MAGI3: variants seen among roughly 807,000 people sequenced by gnomAD.
MAGI3 encodes the protein membrane associated guanylate kinase, WW and PDZ domain containing 3, also known as membrane-associated guanylate kinase, WW and PDZ domain-containing protein 3.
A neutral mutation model predicts 121.8 loss-of-function variants in MAGI3; 43 were observed. The ratio of observed to expected loss-of-function variants is 0.35; its 90% CI spans 0.28 to 0.46. The LOEUF (loss-of-function observed/expected upper bound fraction) is 0.46. Ranked by LOEUF, MAGI3 falls within the 20% of genes least tolerant of loss-of-function variation. The probability of loss-of-function intolerance (pLI) is 1.00; values close to 1 mark genes in which losing one functional copy is unlikely to be tolerated. For missense variants in MAGI3, 1,547 were observed against 1,797.3 expected (o/e 0.86, Z 2.52); for synonymous variants, 553 against 639.3 (o/e 0.86, Z 2.04).
intron 1 of MAGI3, among the ~76,000 whole-genome samples, chr1:113,416,871 A>T (rs1652478514): frequency 6.6e-6 from 1 of 152,016 alleles, no homozygotes; most frequent in Non-Finnish European, 1.5e-5. Context: ...ATATTTATTA[A>T]GAAAGTATTT....
At chr1:113,673,754 G>A (rs757485468) in intron 19 of MAGI3, among the ~76,000 whole-genome samples, 23 of 152,198 alleles carry the variant, frequency 1.5e-4, no homozygotes, top group Non-Finnish European at 2.8e-4. Flanking sequence ...GTCAACATCT[G>A]AGGGTAAACG....
chr1:113,522,053 T>G (rs941080257), intron 1 of MAGI3, among the ~76,000 whole-genome samples: 1 of 152,156 alleles, frequency 6.6e-6, no homozygotes, highest in South Asian at 2.1e-4. Context: ...TAACTCTTCT[T>G]CCCCTTTGCT....
chr1:113,611,939 A>ATTTATTTATTTATTTT (rs1553206848), intron 6 of MAGI3, among the ~76,000 whole-genome samples: 3 of 146,686 alleles, frequency 2.0e-5, no homozygotes, highest in Admixed American at 1.4e-4. Flanking sequence ...ATCCCAACTT[A>ATTTATTTATTTATTTT]TTTATTTATT....
chr1:113,649,204 A>G (rs767521612), intron 12 of MAGI3, 33 bp from the exon 13 acceptor site: 4 of 1,514,024 alleles, frequency 2.6e-6, no homozygotes, highest in Non-Finnish European at 2.7e-6. Context: ...TTTAAAATAA[A>G]TCATAGTATT....
intron 1 of MAGI3, among the ~76,000 whole-genome samples, chr1:113,531,723 T>TCA (rs1245743607): frequency 9.8e-5 from 1 of 10,186 alleles, no homozygotes; most frequent in Non-Finnish European, 2.3e-4. Flanking sequence ...GGGGTGGGGG[T>TCA]CGGGTGGGGG....
intron 13 of MAGI3, among the ~76,000 whole-genome samples, chr1:113,650,282 TTTTTG>T (rs1364238617): frequency 2.7e-4 from 41 of 152,090 alleles, no homozygotes; most frequent in Admixed American, 2.4e-3. Flanking sequence ...GGTATTTGTA[TTTTTG>T]TTTTATTGCT....
chr1:113,625,438 G>T (rs1038114211), intron 9 of MAGI3, among the ~76,000 whole-genome samples: 1 of 151,930 alleles, frequency 6.6e-6, no homozygotes, highest in Non-Finnish European at 1.5e-5. Flanking sequence ...TAATTCCTAG[G>T]TATTTAATCT....
chr1:113,589,371 T>G (rs1486797168), intron 4 of MAGI3, among the ~76,000 whole-genome samples: 1 of 152,116 alleles, frequency 6.6e-6, no homozygotes, highest in African/African-American at 2.4e-5. Flanking sequence ...TAAAGTAAAC[T>G]TGTCAATATT....
chr1:113,602,946 GT>G (rs1649496658), intron 6 of MAGI3, among the ~76,000 whole-genome samples: 1 of 151,336 alleles, frequency 6.6e-6, no homozygotes, highest in South Asian at 2.1e-4. Flanking sequence ...AAAAATCAAA[GT>G]GTGTGTATGT....
At position 113,639,219 on chromosome 1, in the gene MAGI3, G is replaced by A. The variant is rs796257517; in HGVS notation, c.1361-2692G>A. 3.1e-4 allele frequency among the ~76,000 whole-genome samples: 47 copies of A among 152,316 alleles called. No homozygotes were observed. In the Middle Eastern group the frequency reaches 0.01, roughly 33 times the overall value. On this transcript the variant is annotated intron_variant, in intron 9 of 20. Transcript: ENST00000307546. Reference sequence around the variant, plus strand: ...GCAATGCCTCGCCCTGCTTCAGCTCGCACACGGTGCGCTGCACCCACTATC... The same window carrying A: ...GCAATGCCTCGCCCTGCTTCAGCTCACACACGGTGCGCTGCACCCACTATC...
intron 1 of MAGI3, among the ~76,000 whole-genome samples, chr1:113,492,948 T>C (rs973209064): frequency 2.0e-5 from 3 of 152,136 alleles, no homozygotes; most frequent in Non-Finnish European, 1.5e-5. Flanking sequence ...AGAATATTGC[T>C]AAAATGGCCA....
chr1:113,417,369 A>G (rs1330683241), intron 1 of MAGI3, among the ~76,000 whole-genome samples: 2 of 152,132 alleles, frequency 1.3e-5, no homozygotes, highest in Non-Finnish European at 2.9e-5. Flanking sequence ...ATTTTGGAGT[A>G]TAGCCACGTC....
intron 16 of MAGI3, among the ~76,000 whole-genome samples, chr1:113,668,518 G>A (rs1647302191): frequency 6.6e-6 from 1 of 150,686 alleles, no homozygotes; most frequent in African/African-American, 2.4e-5. Context: ...CCAGTGATAG[G>A]AAGTTTTACT....
intron 7 of MAGI3, among the ~76,000 whole-genome samples, chr1:113,615,843 T>A (rs1365763163): frequency 6.6e-6 from 1 of 152,228 alleles, no homozygotes; most frequent in Non-Finnish European, 1.5e-5. Flanking sequence ...ATTATTATTT[T>A]TTCCTAAGAC....
intron 1 of MAGI3, among the ~76,000 whole-genome samples, chr1:113,541,994 G>T (rs1297728297): frequency 6.6e-6 from 1 of 152,000 alleles, no homozygotes; most frequent in Admixed American, 6.6e-5. Context: ...TTTTTGCCTT[G>T]CTGGCTCCTA....
intron 1 of MAGI3, among the ~76,000 whole-genome samples, chr1:113,437,794 CTTCT>C (rs1255477614): frequency 6.8e-6 from 1 of 146,050 alleles, no homozygotes; most frequent in Non-Finnish European, 1.5e-5. Flanking sequence ...CTTCTTCCTT[CTTCT>C]TTCTTCTTTT....
In MAGI3 at chr1:113,619,848, T is replaced by C. The variant is rs539487902; in HGVS notation, c.1171+18T>C. The stretch of plus-strand genomic sequence containing the variant: ...AAAACCAGGTAAGCATTCTTTTCAA[T>C]CTTTTCTTCTAAGAATAACTTGTGA... On this transcript the variant is annotated intron_variant, in intron 8 of 20. Coordinates refer to ENST00000307546, the MANE Select transcript of MAGI3 (RefSeq NM_001142782.2). 1 of 1,540,690 alleles carries C rather than the reference T, an allele frequency of 6.5e-7. No homozygotes were observed. The highest frequency in any genetic ancestry group is 1.7e-5 in the Admixed American group (1 of 58,366).
chr1:113,478,419 A>G (rs1472275087), intron 1 of MAGI3, among the ~76,000 whole-genome samples: 1 of 152,146 alleles, frequency 6.6e-6, no homozygotes, highest in Non-Finnish European at 1.5e-5. Context: ...GTTTTGGTGT[A>G]GATGACCTTT....
At chr1:113,487,996 A>G (rs1405059225) in intron 1 of MAGI3, among the ~76,000 whole-genome samples, 1 of 152,250 alleles carries the variant, frequency 6.6e-6, no homozygotes, top group Non-Finnish European at 1.5e-5. Context: ...GTTATGATAG[A>G]GAACAAACTT....
Sources: allele counts gnomAD v4.1 joint callset (sites outside exome capture counted in the v4.1 genomes callset), GRCh38; gene constraint gnomAD v4.1.1; transcripts MANE v1.5; gene names NCBI Gene and HGNC (gene_info 2026-07-23, HGNC 2026-07-21).